ARHGAP6: variants seen among roughly 807,000 people sequenced by gnomAD.
ARHGAP6 encodes rho GTPase-activating protein 6.
ARHGAP6 carries 16 observed loss-of-function variants against 55.7 expected under a neutral mutation model. The observed-to-expected ratio is 0.29, with a 90% confidence interval of 0.19 to 0.44. The LOEUF is 0.44. ARHGAP6 is among the 20% of genes least tolerant of loss of function. The pLI, the probability that ARHGAP6 is intolerant of heterozygous loss-of-function variation, is 1.00. For missense variants in ARHGAP6, 698 were observed against 808.9 expected (o/e 0.86, Z 1.66); for synonymous variants, 382 against 360.9 (o/e 1.06, Z -0.66).
chrX:11,224,348 C>G (rs2047016089), intron 2 of ARHGAP6: 3 of 522,185 alleles, frequency 5.7e-6, no homozygotes, highest in Non-Finnish European at 7.4e-6. Context: ...TTGTTGGTAT[C>G]AGGCTTAGCT....
At chrX:11,595,105 A>G (rs1219940724) in intron 1 of ARHGAP6, among the ~76,000 whole-genome samples, 2 of 111,036 alleles carry the variant, frequency 1.8e-5, no homozygotes, top group Non-Finnish European at 3.8e-5. Context: ...CCTGGCCAAC[A>G]TGGTAAAACC....
intron 1 of ARHGAP6, among the ~76,000 whole-genome samples, chrX:11,391,246 T>C (rs2049401050): frequency 2.7e-5 from 3 of 111,120 alleles, no homozygotes; most frequent in African/African-American, 6.5e-5. Flanking sequence ...TTCTCACTCA[T>C]AGGTGGGAAT....
intron 1 of ARHGAP6, among the ~76,000 whole-genome samples, chrX:11,261,397 G>A (rs776601965): frequency 9.0e-6 from 1 of 111,334 alleles, no homozygotes; most frequent in Admixed American, 9.5e-5. Flanking sequence ...GGGCACCAAA[G>A]CCTACCAGCA....
chrX:11,485,664 C>A (rs2050503901), intron 1 of ARHGAP6, among the ~76,000 whole-genome samples: 1 of 112,220 alleles, frequency 8.9e-6, no homozygotes, highest in Non-Finnish European at 1.9e-5. Context: ...ATTTTATATG[C>A]CATACCCATT....
rs761948331 is a variant in ARHGAP6 at position 11,277,346 on chromosome X, C to T, written c.589-22639G>A. ...AATAAAGCTGCTGTGAATATTCATA[C>T]ACACTTTGTGTGAACGTAGGTTTTC... On this transcript the variant is annotated intron_variant, in intron 1 of 12. Transcript: ENST00000337414. Among the ~76,000 whole-genome samples, 3 of 110,241 alleles carry T rather than the reference C, an allele frequency of 2.7e-5. No homozygotes were observed. The South Asian group carries it at 1.2e-3, about 42-fold the overall frequency.
At chrX:11,159,468 A>G (rs2147291105) in intron 9 of ARHGAP6, among the ~76,000 whole-genome samples, 2 of 110,639 alleles carry the variant, frequency 1.8e-5, no homozygotes, top group East Asian at 5.7e-4. Context: ...AGGTAATAGC[A>G]TTAATTTATT....
intron 2 of ARHGAP6, among the ~76,000 whole-genome samples, chrX:11,199,081 T>G (rs1251783110): frequency 2.7e-5 from 3 of 112,447 alleles, no homozygotes; most frequent in Non-Finnish European, 5.6e-5. Context: ...CACCAACACT[T>G]CATGAGATTC....
chrX:11,640,393 G>A (rs148179168), intron 1 of ARHGAP6, among the ~76,000 whole-genome samples: 1,865 of 111,712 alleles, frequency 0.017, 33 homozygotes, highest in African/African-American at 0.057. Flanking sequence ...GGAGTTGGGC[G>A]TTCAGCCTAA....
intron 1 of ARHGAP6, among the ~76,000 whole-genome samples, chrX:11,417,056 GTACATATATATATATATATATATA>G (rs1333503637): frequency 2.6e-5 from 1 of 37,920 alleles, no homozygotes; most frequent in Non-Finnish European, 4.7e-5. Context: ...ATATGGGTGT[GTACATATATATATATATATATATA>G]TATATATATA....
intron 1 of ARHGAP6, among the ~76,000 whole-genome samples, chrX:11,307,951 AATC>A (rs373652498): frequency 3.5e-5 from 4 of 112,872 alleles, no homozygotes; most frequent in African/African-American, 1.3e-4. Context: ...AACTGTAAAT[AATC>A]ATAATCTAAG....
At chrX:11,225,084 C>T (rs2047027938) in intron 2 of ARHGAP6, among the ~76,000 whole-genome samples, 1 of 111,080 alleles carries the variant, frequency 9.0e-6, no homozygotes, top group African/African-American at 3.3e-5. Flanking sequence ...TTTCAGGATG[C>T]GATCTCACCC....
chrX:11,161,493 T>G (rs1282949746), intron 9 of ARHGAP6, among the ~76,000 whole-genome samples: 5 of 111,660 alleles, frequency 4.5e-5, no homozygotes, highest in Admixed American at 9.5e-5. Flanking sequence ...AATATAAACT[T>G]GGACACATCA....
At chrX:11,381,706 C>T (rs776776050) in intron 1 of ARHGAP6, among the ~76,000 whole-genome samples, 1 of 112,160 alleles carries the variant, frequency 8.9e-6, no homozygotes, top group Non-Finnish European at 1.9e-5. Context: ...ACGTGCGTTA[C>T]AGAGGCTGGC....
At chrX:11,168,259 GTAC>G (rs1291231848) in intron 9 of ARHGAP6, among the ~76,000 whole-genome samples, 1 of 112,430 alleles carries the variant, frequency 8.9e-6, no homozygotes, top group Admixed American at 9.4e-5. Flanking sequence ...TTGTGTTAAA[GTAC>G]TGACTTTTGA....
At chrX:11,490,096 T>A (rs1220669024) in intron 1 of ARHGAP6, among the ~76,000 whole-genome samples, 2 of 111,513 alleles carry the variant, frequency 1.8e-5, no homozygotes, top group Non-Finnish European at 3.8e-5. Flanking sequence ...AATCACACCC[T>A]TATACAATCC....
chrX:11,605,102 A>G lies in ARHGAP6; in HGVS notation c.588+59139T>C, dbSNP rs1601691354. Reference sequence around the variant, plus strand: ...TGTTTGGGAAGCCATGCTAAGTAACAGAGGGAGGAGATAAGAGTTGGTGAT... The same window carrying G: ...TGTTTGGGAAGCCATGCTAAGTAACGGAGGGAGGAGATAAGAGTTGGTGAT... On this transcript the variant is annotated intron_variant, in intron 1 of 12. Coordinates refer to ENST00000337414, the MANE Select transcript of ARHGAP6 (RefSeq NM_013427.3). Among the ~76,000 whole-genome samples, 3 of 111,698 alleles carry G rather than the reference A, an allele frequency of 2.7e-5. No homozygotes were observed. The South Asian group carries it at 1.1e-3, about 43-fold the overall frequency.
At chrX:11,144,979 G>A (rs2045670168) in intron 10 of ARHGAP6, 1 of 112,531 alleles carries the variant, frequency 8.9e-6, no homozygotes, top group African/African-American at 3.2e-5. Flanking sequence ...CTGTGTTCAT[G>A]AGTTGTCACA....
intron 1 of ARHGAP6, among the ~76,000 whole-genome samples, chrX:11,367,095 T>C (rs181014711): frequency 1.8e-5 from 2 of 111,674 alleles, no homozygotes; most frequent in African/African-American, 3.2e-5. Context: ...AGAGGTAACA[T>C]GCAATAAGGA....
At position 11,228,217 on chromosome X, in the gene ARHGAP6, C is replaced by A. The variant is rs147548570; in HGVS notation, c.748+26331G>T. ...TATTCCATGATATAAGACTGACAGT[C>A]TTTTTCTGTCTTTGGTCCATCTTGT... On this transcript the variant is annotated intron_variant, in intron 2 of 12. Coordinates refer to ENST00000337414, the MANE Select transcript of ARHGAP6 (RefSeq NM_013427.3). Among the ~76,000 whole-genome samples, 336 of 111,742 alleles carry A rather than the reference C, an allele frequency of 3.0e-3. 1 individual carries two copies. The highest frequency in any genetic ancestry group is 0.011 in the African/African-American group (329 of 30,791).
Sources: gnomAD v4.1 joint callset for allele counts (sites outside exome capture counted in the v4.1 genomes callset) on GRCh38, gnomAD v4.1.1 for gene constraint, MANE v1.5 for transcripts, NCBI Gene and HGNC (gene_info 2026-07-23, HGNC 2026-07-21) for gene names.